WDR4: variants seen among roughly 807,000 people sequenced by gnomAD.
WDR4 encodes the protein tRNA (guanine-N(7)-)-methyltransferase non-catalytic subunit WDR4.
A neutral mutation model predicts 48.6 loss-of-function variants in WDR4; 47 were observed. The observed-to-expected ratio is 0.97, with a 90% CI of 0.77 to 1.23. The LOEUF (loss-of-function observed/expected upper bound fraction) is 1.23. WDR4 is among the 50% of genes most tolerant of loss of function. The probability of loss-of-function intolerance (pLI) is 0.00; values close to 1 mark genes in which losing one functional copy is unlikely to be tolerated. For synonymous variants in WDR4, 268 were observed against 230.0 expected, an observed-to-expected ratio of 1.17 and a Z score of -1.49; for missense variants, 606 against 551.6, an observed-to-expected ratio of 1.10 and a Z score of -0.99.
At chr21:42,854,457 G>C in intron 8 of WDR4, 105 bp downstream of exon 8, 1 of 1,181,442 alleles carries the variant, frequency 8.5e-7, no homozygotes, top group Non-Finnish European at 1.2e-6. Flanking sequence ...TACCACCACC[G>C]TTCAGGACCT....
downstream of WDR4, among the ~76,000 whole-genome samples, chr21:42,847,363 C>T (rs565568124): frequency 7.9e-5 from 12 of 152,278 alleles, 1 homozygote; most frequent in South Asian, 2.3e-3. Context: ...GGGATGACTT[C>T]GGGCAGGTGA....
intron 3 of WDR4, among the ~76,000 whole-genome samples, chr21:42,864,100 TC>T (rs2058191136): frequency 2.0e-5 from 1 of 50,292 alleles, no homozygotes; most frequent in Non-Finnish European, 3.2e-5. Context: ...AGAGCGAGAC[TC>T]CGTCTCAAAA....
intron 10 of WDR4, among the ~76,000 whole-genome samples, chr21:42,850,453 G>A (rs2057795685): frequency 6.6e-6 from 1 of 152,228 alleles, no homozygotes; most frequent in Admixed American, 6.5e-5. Flanking sequence ...AACAGAACGG[G>A]GCAAAGATGA....
chr21:42,883,218 TG>T (rs565825786), upstream of WDR4, among the ~76,000 whole-genome samples: 321 of 142,584 alleles, frequency 2.3e-3, 3 homozygotes, highest in African/African-American at 7.9e-3. Flanking sequence ...GAGATTGCAG[TG>T]AGCCGAGATT....
chr21:42,883,477 C>T (rs1219135847), upstream of WDR4: 1 of 153,500 alleles, frequency 6.5e-6, no homozygotes, highest in African/African-American at 2.4e-5. Context: ...TATGTCCACC[C>T]CTGGAAACTG....
In WDR4 at chr21:42,862,903, G is replaced by A. The variant is rs148315560; in HGVS notation, c.454-509C>T. On this transcript the variant is annotated intron_variant, in intron 4 of 10. Coordinates refer to ENST00000398208, the MANE Select transcript of WDR4 (RefSeq NM_018669.6). This position sits in a 1 kb window ranked among gnomAD's most constrained non-coding sequence, Gnocchi z 4.3. ...TCCACCACCCGGGCTGTGGGCCTGC[G>A]CCCTCTGGGGCTCCAGGTGTGTGTC... is the stretch of plus-strand genomic sequence containing the variant. Among the ~76,000 whole-genome samples, 78 of 152,312 alleles carry A rather than the reference G, an allele frequency of 5.1e-4. No homozygotes were observed. Among genetic ancestry groups the A allele is most frequent in the Admixed American group, 1.5e-3 (23 of 15,306 alleles).
rs200187417 is a variant in WDR4, at chr21:42,852,296, T to C, written c.1004A>G (p.Lys335Arg). ...GTTCCCACGAAGAACACCAGAGACT[T>C]TCTTTAACACGGTGCTCTCAGGAAC... ...QSVPESTVLK[K>R]VSGVLRGNWA... is the part of the protein sequence containing the mutation. Residue 335 changes from lysine to arginine, a missense_variant, in exon 10 of 11, where the codon AAA becomes AGA. Transcript: ENST00000398208. 22 of 1,614,146 alleles carry C rather than the reference T, an allele frequency of 1.4e-5. No homozygotes were observed. In the East Asian group the frequency reaches 3.6e-4, roughly 26 times the overall value.
chr21:42,887,312 T>A, the WDR4 span, among the ~76,000 whole-genome samples: 46 of 151,302 alleles, frequency 3.0e-4, no homozygotes, highest in African/African-American at 1.0e-3. Context: ...TTTTTTTTTT[T>A]TTATTTTATA....
the WDR4 span, among the ~76,000 whole-genome samples, chr21:42,891,489 T>G: frequency 6.6e-6 from 1 of 152,094 alleles, no homozygotes; most frequent in Non-Finnish European, 1.5e-5. Flanking sequence ...ATGTGCCCGC[T>G]GGTGGTGGTG....
In WDR4 at chr21:42,862,308, G is replaced by A. The variant is rs763422887; in HGVS notation, c.540C>T (p.Ile180=). ...RVSWAAAPHS[I]ESFCLGHTEF... Reference sequence around the variant, plus strand: ...CTGTGTGCCCCAAGCAGAAGGACTCGATGCTATGGGGCGCCGCGGCCCAGC... The same window carrying A: ...CTGTGTGCCCCAAGCAGAAGGACTCAATGCTATGGGGCGCCGCGGCCCAGC... The change falls in exon 5 of 11, where the codon ATC becomes ATT. Residue 180 remains isoleucine, a synonymous_variant. Coordinates refer to ENST00000398208, the MANE Select transcript of WDR4 (RefSeq NM_018669.6). This position sits in a 1 kb window ranked among gnomAD's most constrained non-coding sequence, Gnocchi z 4.3. 1.1e-5 allele frequency: 17 copies of A among 1,610,608 alleles called. No individual in the cohort carries two copies. The highest frequency in any genetic ancestry group is 1.3e-5 in the African/African-American group (1 of 74,888).
the WDR4 span, among the ~76,000 whole-genome samples, chr21:42,886,475 CTT>C: frequency 6.6e-6 from 1 of 152,128 alleles, no homozygotes; most frequent in Non-Finnish European, 1.5e-5. Context: ...ATACAATTGA[CTT>C]TTGTAAATTG....
upstream of WDR4, among the ~76,000 whole-genome samples, chr21:42,880,501 T>C (rs2058599153): frequency 6.6e-6 from 1 of 152,142 alleles, no homozygotes; most frequent in Admixed American, 6.5e-5. Context: ...CCACAATAAA[T>C]ACTTGCATGT....
chr21:42,852,254 C>G lies in WDR4; in HGVS notation c.1045+1G>C. ...AGGGCAGCCTGCACCCGTGCTCTCA[C>G]CTTCCAGCATGGCCCAGTTCCCACG... On this transcript the variant is annotated splice_donor_variant, in intron 10 of 10. Transcript: ENST00000398208. LOFTEE classifies it high-confidence loss of function. 1 of 1,614,122 alleles carries G rather than the reference C, an allele frequency of 6.2e-7. No individual in the cohort carries two copies. Among genetic ancestry groups the G allele is most frequent in the South Asian group, 1.1e-5 (1 of 91,044 alleles).
downstream of WDR4, among the ~76,000 whole-genome samples, chr21:42,844,801 T>G: frequency 6.6e-6 from 1 of 152,086 alleles, no homozygotes; most frequent in East Asian, 1.9e-4. Flanking sequence ...CCCACCGTGG[T>G]GAATGAACCT....
At chr21:42,855,545 G>T in intron 7 of WDR4, 137 bp downstream of exon 7, 1 of 631,814 alleles carries the variant, frequency 1.6e-6, no homozygotes, top group South Asian at 2.4e-5. Flanking sequence ...TTTGAAATAC[G>T]AGATTTCCCT....
chr21:42,886,118 A>G, the WDR4 span, among the ~76,000 whole-genome samples: 1 of 152,018 alleles, frequency 6.6e-6, no homozygotes, highest in Non-Finnish European at 1.5e-5. Context: ...CACCAAGCCC[A>G]GCTAATTTTT....
intron 10 of WDR4, among the ~76,000 whole-genome samples, chr21:42,851,397 G>A (rs1217043918): frequency 6.6e-6 from 1 of 152,222 alleles, no homozygotes. Context: ...GCCACTCGGG[G>A]AGCCTGGCAG....
At chr21:42,855,161 A>G (rs971731828) in intron 7 of WDR4, among the ~76,000 whole-genome samples, 139 of 152,138 alleles carry the variant, frequency 9.1e-4, no homozygotes, top group Admixed American at 9.8e-4. Context: ...TAAATGAAGG[A>G]AACTTCCAGG....
Position 42,850,258 on chromosome 21 carries a change from A to G in WDR4, c.1046-16T>C. 1.3e-6 allele frequency: 2 copies of G among 1,578,200 alleles called. No homozygotes were observed. Among genetic ancestry groups the G allele is most frequent in the Non-Finnish European group, 1.7e-6 (2 of 1,161,654 alleles). On this transcript the variant is annotated splice_polypyrimidine_tract_variant and intron_variant, in intron 10 of 10. Coordinates refer to ENST00000398208, the MANE Select transcript of WDR4 (RefSeq NM_018669.6). ...CCGGCAGAGCCTGTGATGGGGGAAC[A>G]AGGACAGGTGCCAGGTGGGGCAGGA...
Sources: allele counts gnomAD v4.1 joint callset (sites outside exome capture counted in the v4.1 genomes callset), GRCh38; gene constraint gnomAD v4.1.1; non-coding constraint Gnocchi (gnomAD v3.1); transcripts MANE v1.5; gene names NCBI Gene and HGNC (gene_info 2026-07-23, HGNC 2026-07-21).